The following PUM2 variants were observed in gnomAD, a reference collection of about 807,000 sequenced individuals.
PUM2 encodes the protein pumilio RNA binding family member 2, also known as pumilio homolog 2.
A neutral mutation model predicts 124.5 loss-of-function variants in PUM2; 57 were observed. The observed-to-expected ratio is 0.46, with a 90% CI of 0.37 to 0.57. The LOEUF is 0.57. Among genes scored for constraint, PUM2 ranks in the 20% least tolerant of loss-of-function variants. The pLI is 0.00. For synonymous variants in PUM2, 460 were observed against 446.1 expected (o/e 1.03, Z -0.39); for missense variants, 1,065 against 1,290.6 (o/e 0.83, Z 2.68).
At chr2:20,276,412 AAT>A (rs1670283450) in intron 13 of PUM2, among the ~76,000 whole-genome samples, 1 of 152,048 alleles carries the variant, frequency 6.6e-6, no homozygotes, top group Non-Finnish European at 1.5e-5. Flanking sequence ...CACATCTTAA[AAT>A]AAAATCTCCC....
At chr2:20,334,240 A>C (rs746923023) in intron 1 of PUM2, among the ~76,000 whole-genome samples, 2 of 152,158 alleles carry the variant, frequency 1.3e-5, no homozygotes, top group African/African-American at 2.4e-5. Context: ...TGAGTCTGGG[A>C]GGTCAAGACT....
chr2:20,347,230 C>T (rs912321979), intron 1 of PUM2, among the ~76,000 whole-genome samples: 2 of 152,162 alleles, frequency 1.3e-5, no homozygotes, highest in African/African-American at 4.8e-5. Flanking sequence ...CTTAAATAAA[C>T]AATCTGTTTA....
intron 7 of PUM2, among the ~76,000 whole-genome samples, chr2:20,302,088 T>C (rs1282306517): frequency 1.3e-5 from 2 of 152,238 alleles, no homozygotes; most frequent in African/African-American, 2.4e-5. Flanking sequence ...AATTCTCTTT[T>C]TAAGAGACAA....
In PUM2 at chr2:20,304,032, G is replaced by C. The variant is rs1045415160; in HGVS notation, c.883+3946C>G. Among the ~76,000 whole-genome samples the C allele has an allele frequency of 7.9e-5, 12 of 152,108 alleles. No homozygotes were observed. In the South Asian group the frequency reaches 1.7e-3, roughly 21 times the overall value. ...TTGTTTGAAACATTATCTTACATGA[G>C]AGTTTCTCTTGCACTCACTTGTTCA... On this transcript the variant is annotated intron_variant, in intron 7 of 20. Coordinates refer to ENST00000361078, the MANE Select transcript of PUM2 (RefSeq NM_015317.5).
chr2:20,301,570 C>T (rs1676982220), intron 7 of PUM2, among the ~76,000 whole-genome samples: 1 of 152,104 alleles, frequency 6.6e-6, no homozygotes, highest in African/African-American at 2.4e-5. Context: ...AAATCTCTGT[C>T]TACAGATACA....
chr2:20,297,564 G>A lies in PUM2; in HGVS notation c.998C>T (p.Ala333Val). 6.3e-7 allele frequency: 1 copy of A among 1,598,834 alleles called. No homozygotes were observed. The highest frequency in any genetic ancestry group is 8.5e-7 in the Non-Finnish European group (1 of 1,170,836). The change falls in exon 8 of 21, where the codon GCT becomes GTT. Residue 333 changes from alanine (A) to valine (V), a missense_variant. This residue lies in a region of PUM2 where 968 missense variants were observed against 1,159.8 expected (regional missense o/e 0.83). Coordinates refer to ENST00000361078, the MANE Select transcript of PUM2 (RefSeq NM_015317.5). ...PYTAAGLAAA[A>V]TLAGPAVVPP... The stretch of plus-strand genomic sequence containing the variant: ...AAATAGTATGTTACCTGCTAATGTA[G>A]CTGCTGCAGCCAATCCTGCTGCAGT...
At chr2:20,342,555 G>A (rs550328425) in intron 1 of PUM2, among the ~76,000 whole-genome samples, 1 of 152,326 alleles carries the variant, frequency 6.6e-6, no homozygotes, top group African/African-American at 2.4e-5. Flanking sequence ...AAAGAAAAAT[G>A]AATGTGAGGT....
chr2:20,315,856 A>C (rs1680796912), intron 3 of PUM2, among the ~76,000 whole-genome samples: 1 of 151,102 alleles, frequency 6.6e-6, no homozygotes, highest in African/African-American at 2.4e-5. Flanking sequence ...AAAAAAAAAA[A>C]AACAAACCAA....
chr2:20,309,196 A>C (rs1027132922), intron 5 of PUM2, among the ~76,000 whole-genome samples: 1 of 152,154 alleles, frequency 6.6e-6, no homozygotes, highest in Non-Finnish European at 1.5e-5. Flanking sequence ...ATTTTGAGCA[A>C]GTCATGTCAT....
In PUM2 at chr2:20,283,072, C is replaced by T. The variant is rs1187202867; in HGVS notation, c.1595G>A (p.Ser532Asn). 2.5e-6 allele frequency: 4 copies of T among 1,613,892 alleles called. No individual in the cohort carries two copies. The African/African-American group carries it at 4.0e-5, about 16-fold the overall frequency. The stretch of plus-strand genomic sequence containing the variant: ...AGAAAATAAAGAACTACTCTGGGAG[C>T]TATTAGTCAAAGAACTGCTTCCATA... ...SFYGSSSLTN[S>N]SQSSSLFSHG... The change falls in exon 12 of 21, where the codon AGC (serine) becomes AAC (asparagine). Residue 532 changes from serine (S) to asparagine (N), a missense_variant. Physicochemically the swap from Ser to Asn is conservative, Grantham distance 46. This residue lies in a region of PUM2 where 968 missense variants were observed against 1,159.8 expected (regional missense o/e 0.83). Transcript: ENST00000361078.
upstream of PUM2, among the ~76,000 whole-genome samples, chr2:20,351,120 G>A (rs1689297934): frequency 6.6e-6 from 1 of 152,196 alleles, no homozygotes; most frequent in African/African-American, 2.4e-5. Context: ...GTTGCCAAAC[G>A]CTGTGTTCGA....
At chr2:20,294,309 C>T in intron 9 of PUM2, 67 bp downstream of exon 9, 1 of 1,555,902 alleles carries the variant, frequency 6.4e-7, no homozygotes, top group Non-Finnish European at 8.7e-7. Flanking sequence ...AAACACAAAT[C>T]TTAAACATTA....
At chr2:20,282,902 C>CCT in intron 12 of PUM2, 45 bp downstream of exon 12, 1 of 1,566,326 alleles carries the variant, frequency 6.4e-7, no homozygotes, top group East Asian at 2.2e-5. Context: ...CACTCATATA[C>CCT]CTCTTCCACT....
intron 10 of PUM2, among the ~76,000 whole-genome samples, chr2:20,289,499 C>G (rs901183185): frequency 1.3e-5 from 2 of 152,106 alleles, no homozygotes; most frequent in Admixed American, 1.3e-4. Context: ...TCCACAATGA[C>G]TCCATGACAG....
chr2:20,260,566 A>T (rs1225385673), intron 14 of PUM2, 100 bp from the exon 15 acceptor site: 2 of 1,066,414 alleles, frequency 1.9e-6, no homozygotes, highest in African/African-American at 3.2e-5. Context: ...TATTTCCATA[A>T]ATATTACCAT....
chr2:20,291,615 C>T (rs886343310), intron 9 of PUM2, among the ~76,000 whole-genome samples: 1 of 151,706 alleles, frequency 6.6e-6, no homozygotes, highest in African/African-American at 2.4e-5. Flanking sequence ...CCTTTTCTTT[C>T]CTCTTCTTTT....
intron 12 of PUM2, among the ~76,000 whole-genome samples, chr2:20,281,961 T>C (rs770134889): frequency 1.1e-4 from 17 of 152,338 alleles, no homozygotes; most frequent in Non-Finnish European, 2.1e-4. Context: ...GTGTTAGTTC[T>C]GCCATTTTCC....
chr2:20,255,346 G>A lies in PUM2; in HGVS notation c.2623-5C>T. The A allele has an allele frequency of 1.2e-6, 2 of 1,609,482 alleles. No homozygotes were observed. Among genetic ancestry groups the A allele is most frequent in the Non-Finnish European group, 1.7e-6 (2 of 1,178,250 alleles). On this transcript the variant is annotated splice_region_variant and splice_polypyrimidine_tract_variant and intron_variant, in intron 17 of 20. Transcript: ENST00000361078. Reference sequence around the variant, plus strand: ...ATGAGTTGAAAGCACAAATACCTGAGGACAATTAGAAGAATTAAAATTTGT... The same window carrying A: ...ATGAGTTGAAAGCACAAATACCTGAAGACAATTAGAAGAATTAAAATTTGT...
intron 9 of PUM2, 106 bp downstream of exon 9, chr2:20,294,270 T>A: frequency 7.8e-7 from 1 of 1,278,408 alleles, no homozygotes; most frequent in Non-Finnish European, 1.1e-6. Context: ...CCAGGAGTCG[T>A]GTTACACAGT....
Sources: allele counts gnomAD v4.1 joint callset (sites outside exome capture counted in the v4.1 genomes callset), GRCh38; gene constraint gnomAD v4.1.1; regional missense constraint gnomAD v4.1.1; transcripts MANE v1.5; gene names NCBI Gene and HGNC (gene_info 2026-07-23, HGNC 2026-07-21).